SEZ6L: variants seen among roughly 807,000 people sequenced by gnomAD.
SEZ6L encodes the protein seizure 6-like protein.
SEZ6L carries 37 observed loss-of-function variants against 106.2 expected under a neutral mutation model. The observed-to-expected ratio is 0.35, with a 90% CI of 0.27 to 0.46. SEZ6L has a LOEUF of 0.46. Ranked by LOEUF, SEZ6L falls within the 20% of genes least tolerant of loss-of-function variation. The pLI, the probability that SEZ6L is intolerant of heterozygous loss-of-function variation, is 1.00. For missense variants in SEZ6L, 1,172 were observed against 1,332.8 expected (o/e 0.88, Z 1.88); for synonymous variants, 541 against 570.4 (o/e 0.95, Z 0.73).
At chr22:26,273,518 A>G (rs575221094) in intron 1 of SEZ6L, among the ~76,000 whole-genome samples, 49 of 152,326 alleles carry the variant, frequency 3.2e-4, no homozygotes, top group East Asian at 9.7e-4. Context: ...TGGCTGCGAG[A>G]GCTCGTTAGG....
intron 1 of SEZ6L, among the ~76,000 whole-genome samples, chr22:26,233,519 G>A (rs79637427): frequency 1.3e-5 from 2 of 152,284 alleles, no homozygotes; most frequent in Admixed American, 6.5e-5. Flanking sequence ...AGTCTATTAC[G>A]CTCATTTTAC....
intron 1 of SEZ6L, among the ~76,000 whole-genome samples, chr22:26,269,951 AG>A (rs1404776568): frequency 6.6e-6 from 1 of 152,232 alleles, no homozygotes; most frequent in African/African-American, 2.4e-5. Context: ...CCAGCCCAGA[AG>A]GGGACAAGAA....
At position 26,306,138 on chromosome 22, in the gene SEZ6L, A is replaced by G; in HGVS notation, c.1508A>G (p.Lys503Arg). The change falls in exon 6 of 17, where the codon AAG (lysine) becomes AGG (arginine). Residue 503 changes from lysine (K) to arginine (R), a missense_variant. Physicochemically the swap from Lys to Arg is conservative, Grantham distance 26. This residue lies in a region of SEZ6L where 534 missense variants were observed against 691.0 expected (regional missense o/e 0.77). Coordinates refer to ENST00000248933, the MANE Select transcript of SEZ6L (RefSeq NM_021115.5). Reference sequence around the variant, plus strand: ...TTTGAGAGGCTGTTGCTGCATGACAAGGACAGGTAAAGCTCTGAAGGTCCA... The same window carrying G: ...TTTGAGAGGCTGTTGCTGCATGACAGGGACAGGTAAAGCTCTGAAGGTCCA... ...LHFERLLLHD[K>R]DRMTVHSGQT... 3 of 1,613,376 alleles carry G rather than the reference A, an allele frequency of 1.9e-6. No homozygotes were observed. The highest frequency in any genetic ancestry group is 2.5e-6 in the Non-Finnish European group (3 of 1,180,012).
At chr22:26,357,415 G>T (rs1390636922) in intron 12 of SEZ6L, among the ~76,000 whole-genome samples, 3 of 152,048 alleles carry the variant, frequency 2.0e-5, no homozygotes, top group Admixed American at 2.0e-4. Context: ...TGGAAAGGAG[G>T]GTGGAGAGAC....
At chr22:26,316,571 C>T (rs1300123037) in intron 9 of SEZ6L, among the ~76,000 whole-genome samples, 1 of 152,098 alleles carries the variant, frequency 6.6e-6, no homozygotes, top group African/African-American at 2.4e-5. Context: ...GTGGCTCAGG[C>T]TTGTAATCCC....
intron 1 of SEZ6L, among the ~76,000 whole-genome samples, chr22:26,255,429 G>T (rs2079779138): frequency 1.3e-5 from 2 of 152,176 alleles, no homozygotes; most frequent in African/African-American, 2.4e-5. Flanking sequence ...TTTCAAAGTG[G>T]TGTCTCCAAA....
intron 1 of SEZ6L, among the ~76,000 whole-genome samples, chr22:26,267,575 G>A (rs1020534596): frequency 6.6e-6 from 1 of 152,314 alleles, no homozygotes; most frequent in Non-Finnish European, 1.5e-5. Flanking sequence ...CAAATTATTT[G>A]GGAAACATAG....
chr22:26,239,372 T>C (rs953853374), intron 1 of SEZ6L, among the ~76,000 whole-genome samples: 4 of 152,190 alleles, frequency 2.6e-5, no homozygotes, highest in African/African-American at 9.7e-5. Context: ...AGCAAGTTCT[T>C]TGGAAGCCTT....
chr22:26,266,920 C>A (rs1435621225), intron 1 of SEZ6L, among the ~76,000 whole-genome samples: 1 of 152,066 alleles, frequency 6.6e-6, no homozygotes, highest in East Asian at 1.9e-4. Flanking sequence ...GAAGAAGCAC[C>A]TATTTCTATC....
intron 1 of SEZ6L, among the ~76,000 whole-genome samples, chr22:26,282,092 C>T (rs979009599): frequency 9.2e-5 from 14 of 152,210 alleles, no homozygotes; most frequent in African/African-American, 3.4e-4. Flanking sequence ...GGGCAAACAT[C>T]TCTCTGTAGG....
intron 12 of SEZ6L, among the ~76,000 whole-genome samples, chr22:26,357,201 T>C (rs900583719): frequency 6.6e-6 from 1 of 152,112 alleles, no homozygotes; most frequent in Non-Finnish European, 1.5e-5. Context: ...CGCCTTGACC[T>C]CTCAAAGTGC....
Position 26,250,429 on chromosome 22 carries a change from C to T in SEZ6L, c.95-41977C>T, listed in dbSNP as rs569533039. Among the ~76,000 whole-genome samples, 260 of 152,228 alleles carry T rather than the reference C, an allele frequency of 1.7e-3. 1 individual carries two copies. The highest frequency in any genetic ancestry group is 5.9e-3 in the African/African-American group (243 of 41,530). On this transcript the variant is annotated intron_variant, in intron 1 of 16. Transcript: ENST00000248933. ...CATTAATAAGAGAATGTCCATTCCC[C>T]CAGTGAATGTTCTTGGTGCCTTTAT...
intron 2 of SEZ6L, among the ~76,000 whole-genome samples, 174 bp from the exon 3 acceptor site, chr22:26,294,118 A>G (rs1569449482): frequency 6.6e-6 from 1 of 152,186 alleles, no homozygotes; most frequent in Non-Finnish European, 1.5e-5. Flanking sequence ...TTCTGTGTCA[A>G]TTATTGCTAT....
chr22:26,269,420 A>C (rs2145835718), intron 1 of SEZ6L, among the ~76,000 whole-genome samples: 1 of 152,314 alleles, frequency 6.6e-6, no homozygotes, highest in Non-Finnish European at 1.5e-5. Flanking sequence ...ATGGATGCAT[A>C]AACCTAGAGC....
Position 26,375,579 on chromosome 22 carries a change from A to G in SEZ6L, c.2832A>G (p.Ala944=). The change falls in exon 15 of 17, where the codon GCA becomes GCG. Residue 944 remains alanine (A), a synonymous_variant. Transcript: ENST00000248933. ...CTCACTGGCTCCTGTGTTCAGTAGCAGAAGCGGCAGCAGAGACGTCGCTGG... is the reference window on the plus strand; with the variant it reads ...CTCACTGGCTCCTGTGTTCAGTAGCGGAAGCGGCAGCAGAGACGTCGCTGG... ...QDSFEHALEV[A]EAAAETSLEG... is the part of the protein sequence containing the mutation. 1.2e-6 allele frequency: 2 copies of G among 1,613,906 alleles called. No homozygotes were observed. Among genetic ancestry groups the G allele is most frequent in the Non-Finnish European group, 1.7e-6 (2 of 1,179,806 alleles).
intron 1 of SEZ6L, among the ~76,000 whole-genome samples, chr22:26,176,941 G>T (rs1601953508): frequency 6.6e-6 from 1 of 152,238 alleles, no homozygotes; most frequent in East Asian, 1.9e-4. Flanking sequence ...CACTGATAAT[G>T]CCTGAGTTGC....
At chr22:26,268,706 T>A (rs1339142692) in intron 1 of SEZ6L, among the ~76,000 whole-genome samples, 1 of 152,036 alleles carries the variant, frequency 6.6e-6, no homozygotes, top group Non-Finnish European at 1.5e-5. Flanking sequence ...CATTGTAGGA[T>A]GTTTAGCAAT....
intron 1 of SEZ6L, among the ~76,000 whole-genome samples, chr22:26,232,879 T>G (rs1271297314): frequency 6.6e-6 from 1 of 152,204 alleles, no homozygotes; most frequent in African/African-American, 2.4e-5. Flanking sequence ...ACGGGGACGA[T>G]GTCAGAAAGT....
intron 9 of SEZ6L, among the ~76,000 whole-genome samples, chr22:26,337,184 C>T (rs898931972): frequency 1.3e-5 from 2 of 152,188 alleles, no homozygotes; most frequent in Non-Finnish European, 2.9e-5. Flanking sequence ...ATGAAAGTGA[C>T]AAAGCTGAGA....
Sources: allele counts gnomAD v4.1 joint callset (sites outside exome capture counted in the v4.1 genomes callset), GRCh38; gene constraint gnomAD v4.1.1; regional missense constraint gnomAD v4.1.1; transcripts MANE v1.5; gene names NCBI Gene and HGNC (gene_info 2026-07-23, HGNC 2026-07-21).